Variants in ALK observed in about 807,000 individuals in gnomAD.
ALK encodes the protein ALK tyrosine kinase receptor.
ALK carries 74 observed loss-of-function variants against 163.1 expected under a neutral mutation model. That is an observed-to-expected ratio of 0.45 (90% CI 0.38 to 0.55). ALK has a LOEUF of 0.55. ALK is among the 20% of genes least tolerant of loss of function. The probability of loss-of-function intolerance (pLI) is 0.00; values close to 1 mark genes in which losing one functional copy is unlikely to be tolerated. For synonymous variants in ALK, 960 were observed against 843.2 expected (o/e 1.14, Z -2.40); for missense variants, 2,063 against 2,105.3 (o/e 0.98, Z 0.39).
intron 26 of ALK, 134 bp from the exon 27 acceptor site, chr2:29,197,810 T>C (rs1271728054): frequency 1.3e-6 from 1 of 776,988 alleles, no homozygotes; most frequent in Non-Finnish European, 2.2e-6. Context: ...CATAGAACTC[T>C]TAAAATGTAG....
chr2:29,328,560 G>A (rs1215024543), intron 5 of ALK, 79 bp from the exon 6 acceptor site: 7 of 1,583,898 alleles, frequency 4.4e-6, no homozygotes, highest in African/African-American at 1.3e-5. Flanking sequence ...TTGGTCCCAT[G>A]GGCAGGCTGC....
intron 3 of ALK, among the ~76,000 whole-genome samples, chr2:29,608,841 T>C (rs934467921): frequency 2.0e-4 from 30 of 152,232 alleles, no homozygotes; most frequent in Admixed American, 7.9e-4. Flanking sequence ...CTCCACAGTA[T>C]GACTGTTAAG....
At chr2:29,305,924 T>C (rs761515600) in intron 8 of ALK, among the ~76,000 whole-genome samples, 1 of 152,172 alleles carries the variant, frequency 6.6e-6, no homozygotes, top group Non-Finnish European at 1.5e-5. Context: ...CGCACTTCTA[T>C]GAGAATCTAG....
chr2:29,653,618 C>A (rs1677095494), intron 3 of ALK, among the ~76,000 whole-genome samples: 1 of 152,106 alleles, frequency 6.6e-6, no homozygotes, highest in South Asian at 2.1e-4. Context: ...CCCAAAGGAC[C>A]AGATATGGAT....
At chr2:29,822,406 G>C (rs1011275056) in intron 1 of ALK, among the ~76,000 whole-genome samples, 2 of 152,220 alleles carry the variant, frequency 1.3e-5, no homozygotes, top group Non-Finnish European at 2.9e-5. Flanking sequence ...AGAGGAAATG[G>C]GAAATTCATG....
intron 1 of ALK, among the ~76,000 whole-genome samples, chr2:29,912,802 G>A (rs974402069): frequency 5.3e-5 from 8 of 152,140 alleles, no homozygotes; most frequent in African/African-American, 1.2e-4. Context: ...TCATGTCTTC[G>A]AGCTCCTAAT....
chr2:29,464,391 C>T (rs572387322), intron 4 of ALK, among the ~76,000 whole-genome samples: 1 of 152,138 alleles, frequency 6.6e-6, no homozygotes, highest in Admixed American at 6.5e-5. Flanking sequence ...TGCAGGTCGT[C>T]AACTATTCAA....
intron 3 of ALK, among the ~76,000 whole-genome samples, chr2:29,626,400 C>A (rs1222447715): frequency 6.6e-6 from 1 of 152,152 alleles, no homozygotes; most frequent in Non-Finnish European, 1.5e-5. Context: ...AGCTCCCCTG[C>A]ACAAGCTCTC....
At chr2:29,332,704 C>T (rs1667480810) in intron 5 of ALK, among the ~76,000 whole-genome samples, 1 of 152,102 alleles carries the variant, frequency 6.6e-6, no homozygotes, top group Non-Finnish European at 1.5e-5. Flanking sequence ...TAAAATTTTC[C>T]CATAAAAATC....
intron 1 of ALK, among the ~76,000 whole-genome samples, chr2:29,735,668 C>G (rs541897356): frequency 6.6e-6 from 1 of 152,004 alleles, no homozygotes; most frequent in Non-Finnish European, 1.5e-5. Flanking sequence ...TAGAATCATA[C>G]GGCAGTTACC....
intron 4 of ALK, among the ~76,000 whole-genome samples, chr2:29,496,710 A>T (rs1329984502): frequency 6.6e-6 from 1 of 152,214 alleles, no homozygotes; most frequent in East Asian, 1.9e-4. Context: ...AATAGAGATG[A>T]CAAATATTTG....
chr2:29,511,277 C>A (rs1490834446), intron 4 of ALK, among the ~76,000 whole-genome samples: 1 of 152,076 alleles, frequency 6.6e-6, no homozygotes, highest in Non-Finnish European at 1.5e-5. Context: ...GTTATCTTGT[C>A]CCTTTGCAGT....
intron 1 of ALK, among the ~76,000 whole-genome samples, chr2:29,913,964 C>T (rs1454881622): frequency 1.3e-5 from 2 of 150,110 alleles, no homozygotes; most frequent in African/African-American, 5.1e-5. Context: ...GGACAGAGCA[C>T]TCTCAGTTAA....
rs149382005 is a variant in ALK, at chr2:29,873,177, G to C, written c.667+46816C>G. On this transcript the variant is annotated intron_variant, in intron 1 of 28. Coordinates refer to ENST00000389048, the MANE Select transcript of ALK (RefSeq NM_004304.5). ...TCAAAGTGACAGCTCAGTGCTATGG[G>C]CTCCCATCTCAAACAGGCAAGAGAT... 6.8e-4 allele frequency among the ~76,000 whole-genome samples: 104 copies of C among 152,256 alleles called. No homozygotes were observed. In the East Asian group the frequency reaches 0.018, roughly 26 times the overall value.
intron 6 of ALK, among the ~76,000 whole-genome samples, chr2:29,325,777 C>T (rs1377165078): frequency 1.3e-5 from 2 of 152,200 alleles, no homozygotes; most frequent in African/African-American, 4.8e-5. Context: ...GGTACAATAG[C>T]ATCACACAGG....
intron 11 of ALK, among the ~76,000 whole-genome samples, chr2:29,252,938 C>T (rs996645284): frequency 6.6e-6 from 1 of 151,854 alleles, no homozygotes; most frequent in African/African-American, 2.4e-5. Context: ...AATCTTCCTG[C>T]CTTAGCCTCC....
At chr2:29,357,450 G>A (rs1558691436) in intron 5 of ALK, among the ~76,000 whole-genome samples, 1 of 152,130 alleles carries the variant, frequency 6.6e-6, no homozygotes, top group African/African-American at 2.4e-5. Context: ...CCTTGACACA[G>A]CACATCATAC....
intron 11 of ALK, among the ~76,000 whole-genome samples, chr2:29,255,375 C>G (rs1357679584): frequency 6.6e-6 from 1 of 152,148 alleles, no homozygotes; most frequent in Non-Finnish European, 1.5e-5. Flanking sequence ...CACCTGAGGA[C>G]CTTTCACATA....
intron 3 of ALK, among the ~76,000 whole-genome samples, chr2:29,535,842 C>G (rs4665465): frequency 0.14 from 20,888 of 152,168 alleles, 1,732 homozygotes; most frequent in East Asian, 0.34. Context: ...TCCAAGCCCC[C>G]AAGTCCTAAA....
Sources: gnomAD v4.1 joint callset for allele counts (sites outside exome capture counted in the v4.1 genomes callset) on GRCh38, gnomAD v4.1.1 for gene constraint, MANE v1.5 for transcripts, NCBI Gene and HGNC (gene_info 2026-07-23, HGNC 2026-07-21) for gene names.